Variants in PEX5 observed in about 807,000 individuals in gnomAD.
The protein encoded by PEX5 is PTS1 receptor.
Under a neutral mutation model 82.9 loss-of-function variants are expected in PEX5, and 52 were observed. The observed-to-expected ratio is 0.63, with a 90% CI of 0.50 to 0.79. The LOEUF (loss-of-function observed/expected upper bound fraction) is 0.79. PEX5 is among the 30% of genes least tolerant of loss of function. The probability of loss-of-function intolerance (pLI) is 0.00; values close to 1 mark genes in which losing one functional copy is unlikely to be tolerated. For missense variants in PEX5, 719 were observed against 815.2 expected (o/e 0.88, Z 1.44); for synonymous variants, 300 against 318.8 (o/e 0.94, Z 0.63).
In PEX5 at chr12:7,198,949, C is replaced by T. The variant is rs1287861804; in HGVS notation, c.449-62C>T. The stretch of plus-strand genomic sequence containing the variant: ...TCAGTTGAATATGGGCATCTCTTTC[C>T]CTTTCCTTGATCCCACACTGAATGA... On this transcript the variant is annotated intron_variant, in intron 5 of 15. Coordinates refer to ENST00000675855, the MANE Select transcript of PEX5 (RefSeq NM_001351132.2). 3 of 917,258 alleles carry T rather than the reference C, an allele frequency of 3.3e-6. No individual in the cohort carries two copies. The African/African-American group carries it at 4.9e-5, about 15-fold the overall frequency. The allele number at this position is 917,258 out of a possible 1,614,324, so 56.8% of individuals were successfully genotyped here.
At position 7,191,633 on chromosome 12, in the gene PEX5, T is replaced by C. The variant is rs201467035; in HGVS notation, c.381T>C (p.Asp127=). 26 of 1,613,580 alleles carry C rather than the reference T, an allele frequency of 1.6e-5. No individual in the cohort carries two copies. In the East Asian group the frequency reaches 5.6e-4, roughly 35 times the overall value. Residue 127 remains aspartate (D), a synonymous_variant, in exon 5 of 16, where the codon GAT becomes GAC. Transcript: ENST00000675855. Reference sequence around the variant, plus strand: ...CCCAGGAGTTTCTTGCAGCTGGAGATGCTGTGGATGTAACTCAGGATTATA... The same window carrying C: ...CCCAGGAGTTTCTTGCAGCTGGAGACGCTGTGGATGTAACTCAGGATTATA... ...NWAQEFLAAG[D]AVDVTQDYNE...
At position 7,190,187 on chromosome 12, in the gene PEX5, G is replaced by C. The variant is rs1389438616; in HGVS notation, c.-16-175G>C. On this transcript the variant is annotated intron_variant, in intron 1 of 15. Coordinates refer to ENST00000675855, the MANE Select transcript of PEX5 (RefSeq NM_001351132.2). ...CCTTTGAGGGGGGCGGCAGGAGAGA[G>C]TACCGACCTCCCTCGAACTCCTGGC... The C allele has an allele frequency of 2.0e-6, 3 of 1,530,642 alleles. No homozygotes were observed. In the South Asian group the frequency reaches 3.6e-5, roughly 19 times the overall value. 94.8% of individuals were successfully genotyped at this position (1,530,642 alleles called of 1,614,324 possible).
In PEX5 at chr12:7,190,926, A is replaced by G; in HGVS notation, c.183+3A>G. The G allele has an allele frequency of 6.2e-7, 1 of 1,611,842 alleles. No homozygotes were observed. Among genetic ancestry groups the G allele is most frequent in the Non-Finnish European group, 8.5e-7 (1 of 1,177,918 alleles). On this transcript the variant is annotated splice_donor_region_variant and intron_variant, in intron 3 of 15. Transcript: ENST00000675855. ...TGGGAGTAGCTTCTGAAGATGAGGTAAATAGACCAGTCTCTTTTCTGTCCC... is the reference window on the plus strand; with the variant it reads ...TGGGAGTAGCTTCTGAAGATGAGGTGAATAGACCAGTCTCTTTTCTGTCCC...
At chr12:7,207,236 T>G (rs1272219001) in intron 10 of PEX5, among the ~76,000 whole-genome samples, 1 of 152,218 alleles carries the variant, frequency 6.6e-6, no homozygotes, top group East Asian at 1.9e-4. Context: ...AAACAACATT[T>G]CCTTTATACA....
At chr12:7,214,526 T>C (rs1312197614), downstream of PEX5, among the ~76,000 whole-genome samples, 1 of 125,356 alleles carries the variant, frequency 8.0e-6, no homozygotes, top group Non-Finnish European at 1.6e-5. Context: ...TAAGAACACA[T>C]GGACACAGGA....
intron 6 of PEX5, among the ~76,000 whole-genome samples, chr12:7,200,673 C>T (rs1410104553): frequency 5.3e-5 from 8 of 152,078 alleles, no homozygotes; most frequent in Non-Finnish European, 1.2e-4. Context: ...GGATCACTCG[C>T]GGTTAGGAGC....
At chr12:7,199,858 G>A (rs1164390484) in intron 6 of PEX5, among the ~76,000 whole-genome samples, 1 of 106,888 alleles carries the variant, frequency 9.4e-6, no homozygotes, top group Non-Finnish European at 2.1e-5. Context: ...CCTCCCGGAC[G>A]GGGCGGCTGG....
At position 7,196,272 on chromosome 12, in the gene PEX5, ATATATGTCATATATAATTTAAT is replaced by A. The variant is rs1410148539; in HGVS notation, c.449-2711_449-2690del. 6.2e-4 allele frequency among the ~76,000 whole-genome samples: 39 copies of A among 62,496 alleles called. 1 individual carries two copies. The highest frequency in any genetic ancestry group is 2.3e-3 in the African/African-American group (35 of 15,154). 41.0% of individuals were successfully genotyped at this position (62,496 alleles called of 152,430 possible). A position where few individuals can be genotyped will look rare whatever the true frequency, so the allele number is the denominator to read the frequency against. ...TATTTAATTATATATGTCATAATTT[ATATATGTCATATATAATTTAAT>A]TATATGTCATATATAATTTAATTAT... On this transcript the variant is annotated intron_variant, in intron 5 of 15. Transcript: ENST00000675855.
downstream of PEX5, among the ~76,000 whole-genome samples, chr12:7,216,093 G>A (rs531789978): frequency 6.6e-6 from 1 of 151,958 alleles, no homozygotes; most frequent in Non-Finnish European, 1.5e-5. Context: ...TCAGCCTCCC[G>A]AGTAGCTGCT....
chr12:7,201,364 GAGGA>G (rs1482410194), intron 6 of PEX5, among the ~76,000 whole-genome samples: 21 of 151,818 alleles, frequency 1.4e-4, no homozygotes, highest in African/African-American at 4.1e-4. Context: ...CTATATTTGG[GAGGA>G]AGGGAGTTTT....
chr12:7,214,592 G>A (rs1380944364), downstream of PEX5, among the ~76,000 whole-genome samples: 1 of 144,730 alleles, frequency 6.9e-6, no homozygotes, highest in African/African-American at 2.5e-5. Flanking sequence ...GGGAGGGATA[G>A]CATTAGGAGA....
chr12:7,195,425 G>A (rs1941906831), intron 5 of PEX5, among the ~76,000 whole-genome samples: 1 of 152,140 alleles, frequency 6.6e-6, no homozygotes, highest in South Asian at 2.1e-4. Context: ...TTTGACTCTT[G>A]TTGGAGTAGG....
chr12:7,206,953 G>C (rs1009472424), intron 10 of PEX5, among the ~76,000 whole-genome samples: 25 of 152,150 alleles, frequency 1.6e-4, no homozygotes, highest in Admixed American at 2.0e-4. Context: ...TAAAATGCCA[G>C]TTGACAAAGC....
chr12:7,191,409 C>T (rs1428517089), intron 4 of PEX5, 51 bp downstream of exon 4: 2 of 1,612,328 alleles, frequency 1.2e-6, no homozygotes, highest in South Asian at 2.2e-5. Context: ...GTAGCCAGGG[C>T]CAAGGAAGGG....
At chr12:7,203,662 C>A in intron 10 of PEX5, 111 bp downstream of exon 10, 1 of 1,055,302 alleles carries the variant, frequency 9.5e-7, no homozygotes, top group Non-Finnish European at 1.4e-6. Context: ...GAGTCCCTTT[C>A]CACGAAAAGA....
Position 7,208,490 on chromosome 12 carries a change from A to G in PEX5, c.1215A>G (p.Ala405=), listed in dbSNP as rs1236803481. 6.2e-7 allele frequency: 1 copy of G among 1,613,992 alleles called. No homozygotes were observed. The highest frequency in any genetic ancestry group is 1.3e-5 in the African/African-American group (1 of 74,934). The change falls in exon 13 of 16, where the codon GCA becomes GCG. Residue 405 remains alanine, a synonymous_variant. Transcript: ENST00000675855. ...AGCTAAAGCCAGATAACCAGACAGCACTGATGGCGCTGGCTGTGAGCTTCA... is the reference window on the plus strand; with the variant it reads ...AGCTAAAGCCAGATAACCAGACAGCGCTGATGGCGCTGGCTGTGAGCTTCA... ...CLELKPDNQT[A]LMALAVSFTN... is the part of the protein sequence containing the mutation.
At chr12:7,202,151 G>A (rs1944151681) in intron 7 of PEX5, 90 bp from the exon 8 acceptor site, 3 of 1,597,190 alleles carry the variant, frequency 1.9e-6, no homozygotes, top group African/African-American at 2.7e-5. Context: ...GGTCAGGGGA[G>A]GGGTGAGTAC....
Position 7,197,288 on chromosome 12 carries a change from AT to A in PEX5, c.449-1721del, listed in dbSNP as rs1308305785. On this transcript the variant is annotated intron_variant, in intron 5 of 15. Coordinates refer to ENST00000675855, the MANE Select transcript of PEX5 (RefSeq NM_001351132.2). ...TATATATGTCATATATAATGTAATA[AT>A]TATATATGTCATATATAATGTAATC... Among the ~76,000 whole-genome samples the A allele has an allele frequency of 7.3e-5, 10 of 136,512 alleles. 1 individual carries two copies. The highest frequency in any genetic ancestry group is 2.2e-4 in the African/African-American group (8 of 35,730). The allele number at this position is 136,512 out of a possible 152,430, so 89.6% of individuals were successfully genotyped here.
intron 6 of PEX5, among the ~76,000 whole-genome samples, chr12:7,201,270 TACAC>T (rs534913441): frequency 5.1e-5 from 6 of 117,718 alleles, no homozygotes; most frequent in Admixed American, 2.2e-4. Context: ...TACACATGTA[TACAC>T]ACACATAGAC....
Sources: allele counts gnomAD v4.1 joint callset (sites outside exome capture counted in the v4.1 genomes callset), GRCh38; gene constraint gnomAD v4.1.1; transcripts MANE v1.5; gene names NCBI Gene and HGNC (gene_info 2026-07-23, HGNC 2026-07-21).